The following CR1L variants were observed in gnomAD, a reference collection of about 807,000 sequenced individuals.
CR1L encodes the protein complement component receptor 1-like protein.
CR1L carries 59 observed loss-of-function variants against 62.3 expected under a neutral mutation model. The observed-to-expected ratio is 0.95, with a 90% CI of 0.77 to 1.18. CR1L has a LOEUF of 1.18. Ranked by LOEUF, CR1L falls within the 50% of genes most tolerant of loss-of-function variation. The probability of loss-of-function intolerance (pLI) is 0.00; values close to 1 mark genes in which losing one functional copy is unlikely to be tolerated. For missense variants in CR1L, 700 were observed against 702.8 expected, an observed-to-expected ratio of 1.00 and a Z score of 0.04; for synonymous variants, 279 against 248.7, an observed-to-expected ratio of 1.12 and a Z score of -1.15.
At chr1:207,656,239 A>AAATC (rs34072066) in intron 1 of CR1L, among the ~76,000 whole-genome samples, 19,963 of 151,670 alleles carry the variant, frequency 0.13, 1,594 homozygotes, top group East Asian at 0.37. Flanking sequence ...TTCCGTCTCA[A>AAATC]AATCAATCAA....
At chr1:207,655,283 A>T in intron 1 of CR1L, 1 of 670,404 alleles carries the variant, frequency 1.5e-6, no homozygotes, top group Non-Finnish European at 2.6e-6. Context: ...AAAGTAAGTA[A>T]ATTCTTTTTT....
At chr1:207,652,134 A>AC (rs1469403032) in intron 1 of CR1L, among the ~76,000 whole-genome samples, 1 of 152,234 alleles carries the variant, frequency 6.6e-6, no homozygotes. Flanking sequence ...GCCTGAAGTG[A>AC]CAAGCTGTTA....
At chr1:207,715,459 C>A in intron 10 of CR1L, 2 of 1,053,054 alleles carry the variant, frequency 1.9e-6, no homozygotes, top group Non-Finnish European at 2.9e-6. Flanking sequence ...CAGTGTTTTA[C>A]TGCACGGAAT....
chr1:207,677,092 A>G (rs960748417), intron 1 of CR1L, among the ~76,000 whole-genome samples: 2 of 151,968 alleles, frequency 1.3e-5, no homozygotes, highest in African/African-American at 4.8e-5. Flanking sequence ...TTTGGGAGGC[A>G]GAGGTGGGCA....
Position 207,662,631 on chromosome 1 carries a change from C to G in CR1L, c.98-14758C>G, listed in dbSNP as rs546896490. Among the ~76,000 whole-genome samples, 14 of 152,248 alleles carry G rather than the reference C, an allele frequency of 9.2e-5. No individual in the cohort carries two copies. In the South Asian group the frequency reaches 2.9e-3, roughly 32 times the overall value. Reference sequence around the variant, plus strand: ...CTCAGAGTAGTTTGATCGTCTGAAGCCTTCTTCTCTCAACTCATCAAAGTC... The same window carrying G: ...CTCAGAGTAGTTTGATCGTCTGAAGGCTTCTTCTCTCAACTCATCAAAGTC... On this transcript the variant is annotated intron_variant, in intron 1 of 11. Coordinates refer to ENST00000508064, the MANE Select transcript of CR1L (RefSeq NM_175710.2).
At position 207,645,441 on chromosome 1, in the gene CR1L, A is replaced by G. The variant is rs1663105237; in HGVS notation, c.97+111A>G. The G allele has an allele frequency of 2.4e-6, 3 of 1,254,242 alleles. 1 individual carries two copies. Among genetic ancestry groups the G allele is most frequent in the African/African-American group, 2.9e-5 (2 of 67,884 alleles). The allele number at this position is 1,254,242 out of a possible 1,614,324, so 77.7% of individuals were successfully genotyped here. A position where few individuals can be genotyped will look rare whatever the true frequency, so the allele number is the denominator to read the frequency against. ...ACTGCACGTCGTGCCTGCTTGGGAT[A>G]GAGAGCGAGGCCAGGGTTCTCCGAG... is the stretch of plus-strand genomic sequence containing the variant. On this transcript the variant is annotated intron_variant, in intron 1 of 11. Transcript: ENST00000508064.
At chr1:207,697,473 A>T (rs779034070) in intron 5 of CR1L, 30 bp from the exon 6 acceptor site, 1 of 1,613,656 alleles carries the variant, frequency 6.2e-7, no homozygotes, top group Non-Finnish European at 8.5e-7. Context: ...TTTTCACACA[A>T]TTAGCAGTAC....
intron 9 of CR1L, among the ~76,000 whole-genome samples, chr1:207,707,943 C>T (rs1370253046): frequency 2.0e-5 from 3 of 152,126 alleles, no homozygotes; most frequent in African/African-American, 4.8e-5. Flanking sequence ...GTACAGTCCA[C>T]AATGAAGTCA....
chr1:207,710,743 C>A, intron 10 of CR1L: 1 of 1,609,274 alleles, frequency 6.2e-7, no homozygotes, highest in South Asian at 1.1e-5. Context: ...CAATGCCAGG[C>A]CCTGAACAAA....
chr1:207,663,413 A>G (rs7416027), intron 1 of CR1L, among the ~76,000 whole-genome samples: 72,041 of 152,136 alleles, frequency 0.47, 17,607 homozygotes, highest in African/African-American at 0.59. Flanking sequence ...AGCAATGAGC[A>G]AGACTCCGTG....
At position 207,669,579 on chromosome 1, in the gene CR1L, GGGCGTGGGGA is replaced by G. The variant is rs1289368269; in HGVS notation, c.98-7805_98-7796del. 8 of 1,489,538 alleles carry G rather than the reference GGGCGTGGGGA, an allele frequency of 5.4e-6. No individual in the cohort carries two copies. The Admixed American group carries it at 1.3e-4, about 25-fold the overall frequency. The allele number at this position is 1,489,538 out of a possible 1,614,324, so 92.3% of individuals were successfully genotyped here. A position where few individuals can be genotyped will look rare whatever the true frequency, so the allele number is the denominator to read the frequency against. On this transcript the variant is annotated intron_variant, in intron 1 of 11. Coordinates refer to ENST00000508064, the MANE Select transcript of CR1L (RefSeq NM_175710.2). ...CGGTGGCCTGGGGTGAAACGCTGGG[GGGCGTGGGGA>G]GGCGCCCGGGCTGACGAGGCACCCA... is the stretch of plus-strand genomic sequence containing the variant.
chr1:207,645,903 T>C (rs2102434604), intron 1 of CR1L, among the ~76,000 whole-genome samples: 1 of 152,314 alleles, frequency 6.6e-6, no homozygotes, highest in African/African-American at 2.4e-5. Context: ...GCAAGTGGCC[T>C]GTGTGCGGAG....
At chr1:207,687,893 T>C (rs1400792403) in intron 4 of CR1L, among the ~76,000 whole-genome samples, 2 of 152,204 alleles carry the variant, frequency 1.3e-5, no homozygotes, top group Non-Finnish European at 2.9e-5. Flanking sequence ...CCCTTCTTAA[T>C]GATGTCTTCT....
At chr1:207,672,914 G>A (rs976537803) in intron 1 of CR1L, among the ~76,000 whole-genome samples, 1 of 152,046 alleles carries the variant, frequency 6.6e-6, no homozygotes, top group African/African-American at 2.4e-5. Context: ...ATTCGGACAG[G>A]CAACATCAAA....
At chr1:207,685,333 G>A (rs898615693) in intron 4 of CR1L, among the ~76,000 whole-genome samples, 3 of 152,150 alleles carry the variant, frequency 2.0e-5, no homozygotes, top group African/African-American at 7.2e-5. Flanking sequence ...GCTGCTCTGG[G>A]TCTATAAACT....
chr1:207,650,262 G>A (rs1185343662), intron 1 of CR1L, among the ~76,000 whole-genome samples: 1 of 152,178 alleles, frequency 6.6e-6, no homozygotes, highest in African/African-American at 2.4e-5. Context: ...ATCACAGGAA[G>A]TCCTCCTACA....
chr1:207,678,139 T>C (rs538987774), intron 2 of CR1L, 59 bp from the exon 3 acceptor site: 3 of 1,464,214 alleles, frequency 2.0e-6, no homozygotes, highest in Middle Eastern at 1.7e-4. Flanking sequence ...AGACCTTATG[T>C]ACTAAAAAAA....
chr1:207,677,664 AT>A, intron 2 of CR1L, 96 bp downstream of exon 2: 1 of 1,414,006 alleles, frequency 7.1e-7, no homozygotes, highest in South Asian at 1.4e-5. Context: ...GCATACAACA[AT>A]TAGTTTGCTA....
At chr1:207,668,119 A>G (rs997070914) in intron 1 of CR1L, among the ~76,000 whole-genome samples, 1 of 151,070 alleles carries the variant, frequency 6.6e-6, no homozygotes, top group Admixed American at 6.6e-5. Context: ...AGGTTTCTCA[A>G]AAAATTAAAA....
Sources: gnomAD v4.1 joint callset for allele counts (sites outside exome capture counted in the v4.1 genomes callset) on GRCh38, gnomAD v4.1.1 for gene constraint, MANE v1.5 for transcripts, NCBI Gene and HGNC (gene_info 2026-07-23, HGNC 2026-07-21) for gene names.